Variants in CFTR observed in about 807,000 individuals in gnomAD.
CFTR encodes cystic fibrosis transmembrane conductance regulator.
Under a neutral mutation model 171.6 loss-of-function variants are expected in CFTR, and 181 were observed. The observed-to-expected ratio is 1.05, with a 90% CI of 0.93 to 1.19. The LOEUF (loss-of-function observed/expected upper bound fraction) is 1.19, where lower values mean the gene tolerates loss of function less well. Ranked by LOEUF, CFTR falls within the 50% of genes most tolerant of loss-of-function variation. CFTR has a pLI of 0.00. For synonymous variants in CFTR, 583 were observed against 608.0 expected (o/e 0.96, Z 0.60); for missense variants, 1,968 against 1,734.7 (o/e 1.13, Z -2.39).
At chr7:117,556,393 T>C (rs929111525) in intron 10 of CFTR, among the ~76,000 whole-genome samples, 3 of 151,950 alleles carry the variant, frequency 2.0e-5, no homozygotes, top group Non-Finnish European at 2.9e-5. Context: ...ATAAAAAAAA[T>C]TTGGAAACTT....
intron 1 of CFTR, among the ~76,000 whole-genome samples, chr7:117,483,360 C>A (rs1332021419): frequency 1.3e-5 from 2 of 151,970 alleles, no homozygotes; most frequent in African/African-American, 4.8e-5. Flanking sequence ...TCATAGCTTG[C>A]TTTAGATTAA....
intron 9 of CFTR, among the ~76,000 whole-genome samples, chr7:117,543,059 T>A (rs1339179875): frequency 3.3e-5 from 5 of 152,248 alleles, no homozygotes; most frequent in African/African-American, 1.2e-4. Context: ...TATCAATGAT[T>A]TTTAGTCTCT....
chr7:117,500,047 G>T (rs908120161), intron 1 of CFTR, among the ~76,000 whole-genome samples: 11 of 152,044 alleles, frequency 7.2e-5, no homozygotes, highest in Admixed American at 3.9e-4. Context: ...GAAACACCTG[G>T]ATGATCACTG....
At chr7:117,504,491 T>A (rs1171267847) in intron 2 of CFTR, 128 bp downstream of exon 2, 1 of 651,892 alleles carries the variant, frequency 1.5e-6, no homozygotes, top group East Asian at 2.8e-5. Flanking sequence ...TGGTGGCTAA[T>A]GCCTGTAATC....
At chr7:117,481,469 A>G (rs1797999355) in intron 1 of CFTR, among the ~76,000 whole-genome samples, 1 of 152,254 alleles carries the variant, frequency 6.6e-6, no homozygotes, top group Non-Finnish European at 1.5e-5. Context: ...TCTAAATACT[A>G]ATGAACTTTA....
chr7:117,592,182 A>C lies in CFTR; in HGVS notation c.2015A>C (p.Glu672Ala). ...LTETLHRFSL[E>A]GDAPVSWTET... The stretch of plus-strand genomic sequence containing the variant: ...GAGACCTTACACCGTTTCTCATTAG[A>C]AGGAGATGCTCCTGTCTCCTGGACA... The change falls in exon 14 of 27, where the codon GAA (glutamate) becomes GCA (alanine). Residue 672 changes from glutamate (E) to alanine (A), a missense_variant. Physicochemically the swap from Glu to Ala is moderately radical, Grantham distance 107. Coordinates refer to ENST00000003084, the MANE Select transcript of CFTR (RefSeq NM_000492.4). The C allele has an allele frequency of 1.2e-6, 2 of 1,613,960 alleles. No individual in the cohort carries two copies. The highest frequency in any genetic ancestry group is 1.1e-5 in the South Asian group (1 of 91,078).
At chr7:117,627,889 AT>A in intron 22 of CFTR, 119 bp downstream of exon 22, 2 of 1,045,772 alleles carry the variant, frequency 1.9e-6, no homozygotes, top group Non-Finnish European at 2.9e-6. Flanking sequence ...TAGAATCAAT[AT>A]TAAACACACA....
intron 21 of CFTR, chr7:117,616,370 T>C (rs1792491467): frequency 6.6e-6 from 1 of 152,148 alleles, no homozygotes; most frequent in Non-Finnish European, 1.5e-5. Flanking sequence ...GAATATTAAA[T>C]AAATATTGTG....
At chr7:117,659,445 T>A (rs2116210240) in intron 24 of CFTR, among the ~76,000 whole-genome samples, 1 of 152,356 alleles carries the variant, frequency 6.6e-6, no homozygotes, top group African/African-American at 2.4e-5. Flanking sequence ...ATTGGTTGAA[T>A]GAATAAGGAG....
At chr7:117,553,948 T>G (rs998913675) in intron 10 of CFTR, among the ~76,000 whole-genome samples, 3 of 152,158 alleles carry the variant, frequency 2.0e-5, no homozygotes, top group African/African-American at 7.2e-5. Context: ...CCTGTCTGGT[T>G]TGAAGAACAG....
rs769931559 is a variant in CFTR, at chr7:117,652,845, G to A, written c.3877G>A (p.Val1293Ile). 22 of 1,443,630 alleles carry A rather than the reference G, an allele frequency of 1.5e-5. No individual in the cohort carries two copies. The highest frequency in any genetic ancestry group is 1.9e-5 in the Non-Finnish European group (20 of 1,027,610). 89.4% of individuals were successfully genotyped at this position (1,443,630 alleles called of 1,614,324 possible). ...RKAFGVIPQK[V>I]FIFSGTFRKN... ...CTTCTTTTCTTTTTTGCTATAGAAAGTATTTATTTTTTCTGGAACATTTAG... is the reference window on the plus strand; with the variant it reads ...CTTCTTTTCTTTTTTGCTATAGAAAATATTTATTTTTTCTGGAACATTTAG... The change falls in exon 24 of 27, where the codon GTA becomes ATA. Residue 1293 changes from valine (V) to isoleucine (I), a missense_variant. Transcript: ENST00000003084.
intron 18 of CFTR, among the ~76,000 whole-genome samples, chr7:117,608,479 C>G (rs1792335648): frequency 6.6e-6 from 1 of 152,154 alleles, no homozygotes; most frequent in African/African-American, 2.4e-5. Flanking sequence ...TCTTAAAGAG[C>G]TGGAATTATA....
intron 15 of CFTR, among the ~76,000 whole-genome samples, chr7:117,599,028 A>C (rs1174023717): frequency 6.6e-6 from 1 of 152,198 alleles, no homozygotes; most frequent in Non-Finnish European, 1.5e-5. Context: ...TATAATGAAA[A>C]TTTTAATAAT....
intron 19 of CFTR, 125 bp from the exon 20 acceptor site, chr7:117,611,456 G>C: frequency 1.4e-6 from 1 of 699,656 alleles, no homozygotes; most frequent in Non-Finnish European, 2.5e-6. Flanking sequence ...GTGAAAAAAA[G>C]CTTTTTAACC....
chr7:117,645,548 C>G (rs533888512), intron 23 of CFTR, among the ~76,000 whole-genome samples: 1 of 152,220 alleles, frequency 6.6e-6, no homozygotes, highest in African/African-American at 2.4e-5. Context: ...TACTCCCCCA[C>G]ATCAGTCATC....
intron 3 of CFTR, among the ~76,000 whole-genome samples, chr7:117,526,315 G>A (rs1307632932): frequency 7.6e-6 from 1 of 132,070 alleles, no homozygotes; most frequent in East Asian, 2.2e-4. Flanking sequence ...TGAAACCAAC[G>A]AGAACAAAGA....
intron 3 of CFTR, among the ~76,000 whole-genome samples, chr7:117,523,560 G>C (rs1428088148): frequency 1.3e-5 from 2 of 152,062 alleles, no homozygotes; most frequent in Non-Finnish European, 2.9e-5. Context: ...TGTATTTTTA[G>C]TAGAGACGAG....
chr7:117,637,752 C>T (rs2116153997), intron 22 of CFTR, among the ~76,000 whole-genome samples: 1 of 152,116 alleles, frequency 6.6e-6, no homozygotes, highest in Admixed American at 6.5e-5. Flanking sequence ...TGGCACACAC[C>T]TATAATCCCA....
At position 117,535,295 on chromosome 7, in the gene CFTR, A is replaced by T; in HGVS notation, c.627A>T (p.Ala209=). 1 of 1,613,878 alleles carries T rather than the reference A, an allele frequency of 6.2e-7. No individual in the cohort carries two copies. Among genetic ancestry groups the T allele is most frequent in the Non-Finnish European group, 8.5e-7 (1 of 1,179,970 alleles). ...HFVWIAPLQV[A]LLMGLIWELL... is the part of the protein sequence containing the mutation. ...TGTGGATCGCTCCTTTGCAAGTGGC[A>T]CTCCTCATGGGGCTAATCTGGGAGT... Residue 209 remains alanine, a synonymous_variant, in exon 6 of 27, where the codon GCA becomes GCT. Transcript: ENST00000003084.
Sources: gnomAD v4.1 joint callset for allele counts (sites outside exome capture counted in the v4.1 genomes callset) on GRCh38, gnomAD v4.1.1 for gene constraint, MANE v1.5 for transcripts, NCBI Gene and HGNC (gene_info 2026-07-23, HGNC 2026-07-21) for gene names.